The following ST6GAL1 variants were observed in gnomAD, a reference collection of about 807,000 sequenced individuals.
ST6GAL1 encodes ST6 beta-galactoside alpha-2,6-sialyltransferase 1.
Under a neutral mutation model 38.0 loss-of-function variants are expected in ST6GAL1, and 20 were observed. The ratio of observed to expected loss-of-function variants is 0.53; its 90% CI spans 0.37 to 0.77. The LOEUF (loss-of-function observed/expected upper bound fraction) is 0.77. Among genes scored for constraint, ST6GAL1 ranks in the 30% least tolerant of loss-of-function variants. The pLI is 0.00. For synonymous variants in ST6GAL1, 196 were observed against 188.2 expected (o/e 1.04, Z -0.34); for missense variants, 432 against 496.4 (o/e 0.87, Z 1.23).
At chr3:187,027,227 A>T (rs947706283) in intron 2 of ST6GAL1, among the ~76,000 whole-genome samples, 3 of 152,088 alleles carry the variant, frequency 2.0e-5, no homozygotes, top group Non-Finnish European at 4.4e-5. Context: ...AGTCACTTAC[A>T]CTCCATTTCT....
At chr3:187,074,576 T>G (rs537336531) in intron 7 of ST6GAL1, among the ~76,000 whole-genome samples, 71 of 152,308 alleles carry the variant, frequency 4.7e-4, no homozygotes, top group African/African-American at 1.6e-3. Context: ...ATTCAATTTG[T>G]GCCAGAAGGG....
intron 5 of ST6GAL1, among the ~76,000 whole-genome samples, chr3:187,068,305 G>A (rs1719241644): frequency 6.9e-6 from 1 of 144,328 alleles, no homozygotes; most frequent in South Asian, 2.2e-4. Flanking sequence ...TCGTGCCACT[G>A]CACTCCAGCC....
At chr3:187,014,148 G>A (rs1717048197) in intron 2 of ST6GAL1, among the ~76,000 whole-genome samples, 1 of 152,238 alleles carries the variant, frequency 6.6e-6, no homozygotes, top group Non-Finnish European at 1.5e-5. Flanking sequence ...CTGCAGTCCT[G>A]TGAAGTAGGT....
intron 1 of ST6GAL1, among the ~76,000 whole-genome samples, chr3:186,963,333 TCCTG>T (rs1199600636): frequency 2.6e-5 from 4 of 152,334 alleles, no homozygotes; most frequent in Non-Finnish European, 5.9e-5. Flanking sequence ...CAAGCGATGC[TCCTG>T]CCTCAGCCTC....
intron 2 of ST6GAL1, among the ~76,000 whole-genome samples, chr3:187,003,037 A>G (rs74328526): frequency 0.08 from 12,110 of 152,304 alleles, 574 homozygotes; most frequent in Middle Eastern, 0.14. Flanking sequence ...GCCCAGGAGC[A>G]GCAATGGTGC....
chr3:186,954,251 T>C (rs1237037357), intron 1 of ST6GAL1, among the ~76,000 whole-genome samples: 1 of 152,226 alleles, frequency 6.6e-6, no homozygotes, highest in Non-Finnish European at 1.5e-5. Context: ...TTTGGGTTGA[T>C]TCCATATCTT....
Position 187,005,794 on chromosome 3 carries a change from T to C in ST6GAL1, c.-182-32948T>C, listed in dbSNP as rs558121676. On this transcript the variant is annotated intron_variant, in intron 2 of 7. Coordinates refer to ENST00000169298, the MANE Select transcript of ST6GAL1 (RefSeq NM_173216.2). The stretch of plus-strand genomic sequence containing the variant: ...TCGAGGGAGAGAGGGACCTATAAAA[T>C]AATTGATTACTGTCAACCAGAAAGT... Among the ~76,000 whole-genome samples the C allele has an allele frequency of 5.6e-4, 86 of 152,270 alleles. 1 individual carries two copies. The highest frequency in any genetic ancestry group is 1.9e-3 in the African/African-American group (79 of 41,554).
chr3:186,977,336 CT>C (rs1715553321), intron 2 of ST6GAL1, among the ~76,000 whole-genome samples: 1 of 152,222 alleles, frequency 6.6e-6, no homozygotes, highest in Non-Finnish European at 1.5e-5. Context: ...CGATTTAGCC[CT>C]GATAAAGGCG....
At chr3:187,014,805 A>G (rs751264607) in intron 2 of ST6GAL1, among the ~76,000 whole-genome samples, 41 of 152,202 alleles carry the variant, frequency 2.7e-4, no homozygotes, top group Admixed American at 4.6e-4. Flanking sequence ...TCTCAAATCA[A>G]CATCCTTATG....
intron 5 of ST6GAL1, among the ~76,000 whole-genome samples, chr3:187,068,479 A>G (rs1465187426): frequency 6.6e-6 from 1 of 152,256 alleles, no homozygotes; most frequent in Non-Finnish European, 1.5e-5. Context: ...CATAAAATGA[A>G]CATATTAACA....
chr3:186,989,091 C>T (rs75502178), intron 2 of ST6GAL1, among the ~76,000 whole-genome samples: 9,391 of 152,232 alleles, frequency 0.062, 421 homozygotes, highest in East Asian at 0.22. Flanking sequence ...AATTGGGTCA[C>T]ACCTGGAACT....
intron 1 of ST6GAL1, among the ~76,000 whole-genome samples, chr3:186,953,593 A>G (rs1714652157): frequency 6.6e-6 from 1 of 152,010 alleles, no homozygotes; most frequent in Admixed American, 6.6e-5. Flanking sequence ...CTGAGTTACT[A>G]CCCTGTGTCT....
intron 2 of ST6GAL1, among the ~76,000 whole-genome samples, chr3:187,013,724 A>G (rs1250963762): frequency 6.6e-6 from 1 of 152,138 alleles, no homozygotes; most frequent in East Asian, 1.9e-4. Context: ...AGCTGGGATT[A>G]CAGATGTGCG....
At chr3:186,974,637 T>C (rs1715460566) in intron 2 of ST6GAL1, among the ~76,000 whole-genome samples, 2 of 152,066 alleles carry the variant, frequency 1.3e-5, no homozygotes, top group African/African-American at 2.4e-5. Context: ...AGAATTATTT[T>C]TGTTTTTATG....
At chr3:187,011,045 C>T (rs998408638) in intron 2 of ST6GAL1, among the ~76,000 whole-genome samples, 8 of 152,114 alleles carry the variant, frequency 5.3e-5, no homozygotes, top group Admixed American at 5.2e-4. Context: ...CAAAGTGTGG[C>T]GTTTTCTCTA....
At chr3:187,005,871 G>A (rs73189714) in intron 2 of ST6GAL1, among the ~76,000 whole-genome samples, 1 of 152,094 alleles carries the variant, frequency 6.6e-6, no homozygotes, top group Non-Finnish European at 1.5e-5. Context: ...GGGAAGGACC[G>A]ACCAACAGGG....
At chr3:187,007,318 G>A (rs1322594263) in intron 2 of ST6GAL1, among the ~76,000 whole-genome samples, 1 of 152,170 alleles carries the variant, frequency 6.6e-6, no homozygotes, top group African/African-American at 2.4e-5. Context: ...AAAGTCCTGG[G>A]CACACTACAA....
intron 5 of ST6GAL1, among the ~76,000 whole-genome samples, chr3:187,060,358 A>T (rs1315805704): frequency 1.3e-5 from 2 of 152,144 alleles, no homozygotes; most frequent in African/African-American, 4.8e-5. Context: ...ACGAGGTTTC[A>T]CTGTGTTGGC....
chr3:187,025,123 G>C (rs1426671569), intron 2 of ST6GAL1, among the ~76,000 whole-genome samples: 1 of 151,870 alleles, frequency 6.6e-6, no homozygotes. Flanking sequence ...GGTAATTCTC[G>C]ATGCCATGGG....
Sources: gnomAD v4.1 joint callset for allele counts (sites outside exome capture counted in the v4.1 genomes callset) on GRCh38, gnomAD v4.1.1 for gene constraint, MANE v1.5 for transcripts, NCBI Gene and HGNC (gene_info 2026-07-23, HGNC 2026-07-21) for gene names.